Variants in RBFOX1 observed in about 807,000 individuals in gnomAD.
The protein encoded by RBFOX1 is RNA binding protein fox-1 homolog 1.
Under a neutral mutation model 57.7 loss-of-function variants are expected in RBFOX1, and 8 were observed. That is an observed-to-expected ratio of 0.14 (90% CI 0.08 to 0.25). RBFOX1 has a LOEUF of 0.25. RBFOX1 is among the 10% of genes least tolerant of loss of function. The probability of loss-of-function intolerance (pLI) is 1.00; values close to 1 mark genes in which losing one functional copy is unlikely to be tolerated. For missense variants in RBFOX1, 611 were observed against 548.5 expected, an observed-to-expected ratio of 1.11 and a Z score of -1.14; for synonymous variants, 326 against 222.4, an observed-to-expected ratio of 1.47 and a Z score of -4.15.
chr16:6,768,425 A>T (rs536836787), intron 3 of RBFOX1, among the ~76,000 whole-genome samples: 1 of 152,050 alleles, frequency 6.6e-6, no homozygotes, highest in African/African-American at 2.4e-5. Context: ...AATCAAACAT[A>T]TAAGAGTGCA....
chr16:5,546,762 C>T (rs1484667417), intron 2 of RBFOX1, among the ~76,000 whole-genome samples: 1 of 152,066 alleles, frequency 6.6e-6, no homozygotes, highest in East Asian at 1.9e-4. Context: ...TTAAAATTGG[C>T]AAATTGAACT....
chr16:7,544,508 C>T (rs150610656), intron 5 of RBFOX1, among the ~76,000 whole-genome samples: 6 of 152,156 alleles, frequency 3.9e-5, no homozygotes, highest in African/African-American at 7.2e-5. Flanking sequence ...CATGTCAAGA[C>T]GCACAAAGGT....
At chr16:5,477,095 C>T (rs2069352196) in intron 2 of RBFOX1, among the ~76,000 whole-genome samples, 1 of 152,226 alleles carries the variant, frequency 6.6e-6, no homozygotes, top group Non-Finnish European at 1.5e-5. Context: ...CTCACAGCAG[C>T]CTCGACCTCC....
chr16:5,974,336 C>T (rs530288700), intron 4 of RBFOX1, among the ~76,000 whole-genome samples: 29 of 152,228 alleles, frequency 1.9e-4, no homozygotes, highest in Non-Finnish European at 4.0e-4. Flanking sequence ...GGGCCAGGCA[C>T]GGTGGCTCAC....
intron 4 of RBFOX1, among the ~76,000 whole-genome samples, chr16:7,427,411 T>G (rs1465843480): frequency 6.6e-6 from 1 of 152,148 alleles, no homozygotes; most frequent in African/African-American, 2.4e-5. Flanking sequence ...CCTGCTGAAG[T>G]TGGACAGGCT....
At chr16:6,981,689 C>T (rs551309568) in intron 3 of RBFOX1, among the ~76,000 whole-genome samples, 1 of 152,110 alleles carries the variant, frequency 6.6e-6, no homozygotes, top group Non-Finnish European at 1.5e-5. Context: ...TTTATAAAAC[C>T]ATCTTGTCAC....
In RBFOX1 at chr16:6,869,270, C is replaced by T. The variant is rs151225772; in HGVS notation, c.-15-182787C>T. Among the ~76,000 whole-genome samples the T allele has an allele frequency of 2.3e-3, 345 of 152,280 alleles. 2 individuals carry two copies. The highest frequency in any genetic ancestry group is 8.0e-3 in the African/African-American group (332 of 41,546). On this transcript the variant is annotated intron_variant, in intron 3 of 15. Transcript: ENST00000550418. ...AAGTGCTTGGTGTCAATATGTTTCT[C>T]ATAAGAACCTTATCAAGTAAATACT...
chr16:7,073,688 T>TA (rs200015045), intron 4 of RBFOX1, among the ~76,000 whole-genome samples: 59 of 149,864 alleles, frequency 3.9e-4, no homozygotes, highest in African/African-American at 1.4e-3. Context: ...TACAAAATAA[T>TA]AAAAAAAAAT....
intron 4 of RBFOX1, among the ~76,000 whole-genome samples, chr16:7,053,563 G>C (rs1229595380): frequency 3.9e-5 from 6 of 152,200 alleles, no homozygotes; most frequent in African/African-American, 1.4e-4. Context: ...TGAGAATTAA[G>C]ATAATATTGA....
intron 5 of RBFOX1, among the ~76,000 whole-genome samples, chr16:7,554,651 T>A (rs1567802928): frequency 6.8e-6 from 1 of 146,868 alleles, no homozygotes; most frequent in Non-Finnish European, 1.5e-5. Context: ...GCCTCTAACC[T>A]TTTTTTTTTT....
At chr16:6,450,825 A>ATG (rs1317681730) in intron 2 of RBFOX1, among the ~76,000 whole-genome samples, 166 of 14,564 alleles carry the variant, frequency 0.011, 12 homozygotes, top group African/African-American at 0.041. Context: ...ATACATATAT[A>ATG]TATATATATA....
chr16:6,696,329 T>TG (rs769997119), intron 3 of RBFOX1, among the ~76,000 whole-genome samples: 7 of 150,482 alleles, frequency 4.7e-5, no homozygotes, highest in Non-Finnish European at 8.8e-5. Context: ...AAGTTTTCTT[T>TG]GGAAAAAAAA....
chr16:7,199,090 C>A (rs2087578068), intron 4 of RBFOX1, among the ~76,000 whole-genome samples: 1 of 152,134 alleles, frequency 6.6e-6, no homozygotes, highest in Non-Finnish European at 1.5e-5. Flanking sequence ...TCCTCCTCCC[C>A]AGAGGAAGAA....
At chr16:5,762,494 A>T (rs1487052347) in intron 3 of RBFOX1, among the ~76,000 whole-genome samples, 1 of 152,196 alleles carries the variant, frequency 6.6e-6, no homozygotes, top group African/African-American at 2.4e-5. Context: ...TAAGACTAAT[A>T]TGCTCGTTTC....
chr16:6,554,795 CACACACAGATAA>C (rs1344290227), intron 2 of RBFOX1, among the ~76,000 whole-genome samples: 1 of 149,606 alleles, frequency 6.7e-6, no homozygotes, highest in Admixed American at 6.7e-5. Context: ...CACACACAGA[CACACACAGATAA>C]ACACACAGAC....
intron 1 of RBFOX1, among the ~76,000 whole-genome samples, chr16:5,417,211 G>T (rs930839004): frequency 6.6e-6 from 1 of 152,142 alleles, no homozygotes; most frequent in African/African-American, 2.4e-5. Flanking sequence ...TATTCTTACT[G>T]AATTAGAAGA....
chr16:5,449,462 A>G (rs940536266), intron 1 of RBFOX1, among the ~76,000 whole-genome samples: 6 of 152,214 alleles, frequency 3.9e-5, no homozygotes, highest in Admixed American at 3.9e-4. Context: ...GCCTCATATC[A>G]GACCCTAAAC....
intron 4 of RBFOX1, among the ~76,000 whole-genome samples, chr16:7,222,321 A>G: frequency 6.6e-6 from 1 of 152,196 alleles, no homozygotes; most frequent in East Asian, 1.9e-4. Context: ...CCTAATGTGC[A>G]AAGTCTCATG....
intron 10 of RBFOX1, among the ~76,000 whole-genome samples, chr16:7,609,159 G>C (rs2056930683): frequency 1.3e-5 from 2 of 152,168 alleles, no homozygotes; most frequent in Admixed American, 6.5e-5. Flanking sequence ...AGAAATGTCA[G>C]TTTCTCCTAT....
Sources: allele counts gnomAD v4.1 joint callset (sites outside exome capture counted in the v4.1 genomes callset), GRCh38; gene constraint gnomAD v4.1.1; transcripts MANE v1.5; gene names NCBI Gene and HGNC (gene_info 2026-07-23, HGNC 2026-07-21).